The following CNTNAP5 variants were observed in gnomAD, a reference collection of about 807,000 sequenced individuals.
CNTNAP5 encodes the protein contactin associated protein family member 5, also known as contactin-associated protein-like 5.
A neutral mutation model predicts 150.2 loss-of-function variants in CNTNAP5; 72 were observed. The observed-to-expected ratio is 0.48, with a 90% CI of 0.40 to 0.58. The LOEUF is 0.58. CNTNAP5 is among the 20% of genes least tolerant of loss of function. The pLI is 0.00. For missense variants in CNTNAP5, 1,636 were observed against 1,626.2 expected (o/e 1.01, Z -0.10); for synonymous variants, 672 against 619.8 (o/e 1.08, Z -1.25).
intron 19 of CNTNAP5, among the ~76,000 whole-genome samples, chr2:124,834,928 C>T (rs1015376107): frequency 4.0e-5 from 6 of 151,664 alleles, no homozygotes; most frequent in African/African-American, 1.5e-4. Flanking sequence ...TCTCTAGTGA[C>T]CTTGGTAAAG....
intron 1 of CNTNAP5, among the ~76,000 whole-genome samples, chr2:124,042,139 G>T (rs940031668): frequency 6.6e-6 from 1 of 152,184 alleles, no homozygotes; most frequent in East Asian, 1.9e-4. Context: ...GGGATTACCG[G>T]CATGAGCCAC....
intron 8 of CNTNAP5, among the ~76,000 whole-genome samples, chr2:124,517,421 TTGG>T (rs990152270): frequency 2.1e-4 from 32 of 151,206 alleles, no homozygotes; most frequent in African/African-American, 7.5e-4. Flanking sequence ...GGTTGTGGTG[TTGG>T]TGATGGGAGC....
chr2:124,646,840 G>A (rs1253964578), intron 12 of CNTNAP5, among the ~76,000 whole-genome samples: 2 of 152,128 alleles, frequency 1.3e-5, no homozygotes, highest in African/African-American at 4.8e-5. Flanking sequence ...GGGCACGCTG[G>A]CTCATGCCTG....
At chr2:124,072,175 T>G (rs1010174741) in intron 1 of CNTNAP5, among the ~76,000 whole-genome samples, 2 of 151,928 alleles carry the variant, frequency 1.3e-5, no homozygotes, top group African/African-American at 4.8e-5. Flanking sequence ...AATTCAACAC[T>G]GATTCATGAT....
intron 13 of CNTNAP5, among the ~76,000 whole-genome samples, chr2:124,724,947 A>G (rs1233801313): frequency 2.1e-5 from 2 of 93,554 alleles, no homozygotes; most frequent in Non-Finnish European, 5.3e-5. Flanking sequence ...TTTTTTTTAA[A>G]GGAGATTCCA....
intron 1 of CNTNAP5, among the ~76,000 whole-genome samples, chr2:124,177,117 G>A (rs1274220091): frequency 1.3e-5 from 2 of 152,030 alleles, no homozygotes; most frequent in Non-Finnish European, 2.9e-5. Flanking sequence ...CAGATTGATG[G>A]GACTATAGGT....
chr2:124,364,438 C>T (rs1387197975), intron 3 of CNTNAP5, among the ~76,000 whole-genome samples: 2 of 152,058 alleles, frequency 1.3e-5, no homozygotes, highest in African/African-American at 4.8e-5. Flanking sequence ...TTATTTTTTC[C>T]ACATCACCCA....
At chr2:124,172,419 T>C in intron 1 of CNTNAP5, among the ~76,000 whole-genome samples, 1 of 152,158 alleles carries the variant, frequency 6.6e-6, no homozygotes. Flanking sequence ...TCTCTTTTTC[T>C]TTCTTTCTTT....
intron 3 of CNTNAP5, among the ~76,000 whole-genome samples, chr2:124,378,283 GC>G (rs1690703921): frequency 6.6e-6 from 1 of 151,652 alleles, no homozygotes; most frequent in South Asian, 2.1e-4. Context: ...AAAAAAACAT[GC>G]TTTTTTAAAA....
intron 3 of CNTNAP5, among the ~76,000 whole-genome samples, chr2:124,259,687 C>A (rs530337291): frequency 1.3e-5 from 2 of 152,156 alleles, no homozygotes; most frequent in Non-Finnish European, 2.9e-5. Context: ...TATCCCTTGC[C>A]CACTTTTTGA....
rs149477431 is a variant in CNTNAP5, at chr2:124,185,392, A to T, written c.83-36313A>T. 4.4e-3 allele frequency among the ~76,000 whole-genome samples: 664 copies of T among 152,332 alleles called. 6 individuals are homozygous for T. Among genetic ancestry groups the T allele is most frequent in the African/African-American group, 0.015 (629 of 41,566 alleles). ...GACACTTCTGTAGTATCTTAGTATT[A>T]GGCGTATAAAAGACTCCTAATAAAT... On this transcript the variant is annotated intron_variant, in intron 1 of 23. Transcript: ENST00000682447.
intron 3 of CNTNAP5, among the ~76,000 whole-genome samples, chr2:124,256,759 A>C (rs191254849): frequency 5.9e-5 from 9 of 152,314 alleles, no homozygotes; most frequent in African/African-American, 1.9e-4. Context: ...TGTAAGAGCT[A>C]TAAGATTAAA....
In CNTNAP5 at chr2:124,494,305, C is replaced by T. The variant is rs117343513; in HGVS notation, c.1063-9987C>T. 4.9e-4 allele frequency among the ~76,000 whole-genome samples: 74 copies of T among 152,084 alleles called. No individual in the cohort carries two copies. The East Asian group carries it at 0.012, about 25-fold the overall frequency. ...TGAGAACCCAAGGGGGTGGGGTGCACCAGTGTAAGACCTAGAGGCCAAAGG... is the reference window on the plus strand; with the variant it reads ...TGAGAACCCAAGGGGGTGGGGTGCATCAGTGTAAGACCTAGAGGCCAAAGG... On this transcript the variant is annotated intron_variant, in intron 7 of 23. Transcript: ENST00000682447.
chr2:124,293,149 T>A (rs1413032663), intron 3 of CNTNAP5, among the ~76,000 whole-genome samples: 1 of 150,324 alleles, frequency 6.7e-6, no homozygotes, highest in East Asian at 1.9e-4. Flanking sequence ...TTTTAAAAAT[T>A]TTTAAATTTT....
intron 13 of CNTNAP5, among the ~76,000 whole-genome samples, chr2:124,695,515 G>A (rs1469886131): frequency 6.6e-6 from 1 of 152,146 alleles, no homozygotes; most frequent in Non-Finnish European, 1.5e-5. Context: ...AAGAATTTGT[G>A]TACAGGGAAA....
intron 13 of CNTNAP5, among the ~76,000 whole-genome samples, chr2:124,730,892 A>C (rs1309812050): frequency 6.6e-6 from 1 of 152,126 alleles, no homozygotes; most frequent in Non-Finnish European, 1.5e-5. Context: ...GGGCTGTGAA[A>C]TAGGAGATAC....
chr2:124,771,285 G>C (rs1681186233), intron 16 of CNTNAP5, among the ~76,000 whole-genome samples: 1 of 152,096 alleles, frequency 6.6e-6, no homozygotes, highest in Non-Finnish European at 1.5e-5. Context: ...GGAATGCCTA[G>C]CATATGAAAG....
chr2:124,636,448 CT>C (rs1048687790), intron 12 of CNTNAP5, among the ~76,000 whole-genome samples: 2 of 152,022 alleles, frequency 1.3e-5, no homozygotes, highest in East Asian at 3.9e-4. Flanking sequence ...TGACTAGTAA[CT>C]TTTTTTGTGT....
At chr2:124,240,738 C>G (rs1225412136) in intron 2 of CNTNAP5, among the ~76,000 whole-genome samples, 1 of 152,036 alleles carries the variant, frequency 6.6e-6, no homozygotes, top group African/African-American at 2.4e-5. Context: ...GAAAATCAAC[C>G]ACAATTTGCA....
Sources: allele counts gnomAD v4.1 joint callset (sites outside exome capture counted in the v4.1 genomes callset), GRCh38; gene constraint gnomAD v4.1.1; transcripts MANE v1.5; gene names NCBI Gene and HGNC (gene_info 2026-07-23, HGNC 2026-07-21).